Variants in SCHIP1 observed in about 807,000 individuals in gnomAD.
SCHIP1 encodes the protein schwannomin-interacting protein 1.
In SCHIP1, 8 loss-of-function variants were observed where a neutral mutation model predicts 29.7. The observed-to-expected ratio is 0.27, with a 90% CI of 0.16 to 0.49. SCHIP1 has a LOEUF of 0.49. SCHIP1 is among the 20% of genes least tolerant of loss of function. The pLI, the probability that SCHIP1 is intolerant of heterozygous loss-of-function variation, is 0.99. For missense variants in SCHIP1, 193 were observed against 294.6 expected (o/e 0.66, Z 2.52); for synonymous variants, 76 against 94.9 (o/e 0.80, Z 1.16).
intron 5 of SCHIP1, among the ~76,000 whole-genome samples, chr3:159,891,408 G>A (rs1312707637): frequency 3.3e-5 from 5 of 151,328 alleles, no homozygotes; most frequent in Non-Finnish European, 7.4e-5. Flanking sequence ...GAGGGAGGGA[G>A]GAAGGGAGCG....
chr3:159,553,998 G>T, the SCHIP1 span, among the ~76,000 whole-genome samples: 2 of 125,558 alleles, frequency 1.6e-5, no homozygotes, highest in East Asian at 4.9e-4. Context: ...GTGTGTGTGT[G>T]TGTGTGTGTG....
chr3:159,758,692 T>C, the SCHIP1 span, among the ~76,000 whole-genome samples: 1 of 152,242 alleles, frequency 6.6e-6, no homozygotes, highest in Non-Finnish European at 1.5e-5. Context: ...GATTGTACAC[T>C]GCACAACTCC....
the SCHIP1 span, among the ~76,000 whole-genome samples, chr3:159,415,581 G>C: frequency 6.6e-6 from 1 of 152,122 alleles, no homozygotes; most frequent in African/African-American, 2.4e-5. Flanking sequence ...GTTTGCCAAA[G>C]ATAATAGTAT....
chr3:159,641,594 G>A, the SCHIP1 span, among the ~76,000 whole-genome samples: 30 of 152,190 alleles, frequency 2.0e-4, no homozygotes, highest in African/African-American at 7.2e-4. Flanking sequence ...CACTCAAATA[G>A]GGCAGTGTTT....
At chr3:159,279,527 A>T in the SCHIP1 span, among the ~76,000 whole-genome samples, 3 of 152,168 alleles carry the variant, frequency 2.0e-5, no homozygotes, top group East Asian at 5.8e-4. Flanking sequence ...TAGATTTTAG[A>T]GCACTTAGTA....
chr3:159,667,308 G>A, the SCHIP1 span, among the ~76,000 whole-genome samples: 4 of 152,162 alleles, frequency 2.6e-5, no homozygotes, highest in East Asian at 1.9e-4. Flanking sequence ...TTTGAATAAC[G>A]CCCAGTTCCA....
chr3:159,574,989 G>GT, the SCHIP1 span, among the ~76,000 whole-genome samples: 4 of 152,178 alleles, frequency 2.6e-5, no homozygotes, highest in African/African-American at 9.6e-5. Context: ...GGAGTGTCCC[G>GT]TTTTTCCAGG....
chr3:159,706,911 A>G, the SCHIP1 span, among the ~76,000 whole-genome samples: 12 of 152,312 alleles, frequency 7.9e-5, no homozygotes, highest in African/African-American at 2.9e-4. Context: ...ATCAGTTAAC[A>G]AACATTTATT....
At chr3:159,676,149 T>C in the SCHIP1 span, among the ~76,000 whole-genome samples, 28 of 152,142 alleles carry the variant, frequency 1.8e-4, no homozygotes. Flanking sequence ...ATTTTACATA[T>C]GAAATCTATG....
the SCHIP1 span, among the ~76,000 whole-genome samples, chr3:159,430,437 A>G: frequency 6.6e-6 from 1 of 152,122 alleles, no homozygotes; most frequent in Non-Finnish European, 1.5e-5. Context: ...GACAAAAAAG[A>G]ATTCTTCCTG....
the SCHIP1 span, among the ~76,000 whole-genome samples, chr3:159,499,497 G>T: frequency 6.6e-6 from 1 of 152,126 alleles, no homozygotes; most frequent in Non-Finnish European, 1.5e-5. Context: ...AAACATATTT[G>T]GTATTGCCAA....
chr3:159,499,067 C>T, the SCHIP1 span, among the ~76,000 whole-genome samples: 1 of 152,110 alleles, frequency 6.6e-6, no homozygotes, highest in Non-Finnish European at 1.5e-5. Context: ...TGATTTCAAC[C>T]CCACCCCCAT....
At chr3:159,891,393 G>A (rs1454954858) in intron 5 of SCHIP1, among the ~76,000 whole-genome samples, 1 of 151,664 alleles carries the variant, frequency 6.6e-6, no homozygotes, top group Non-Finnish European at 1.5e-5. Context: ...AGGAAGGAAG[G>A]AAGGGAGGGA....
chr3:159,508,984 C>T, the SCHIP1 span, among the ~76,000 whole-genome samples: 1 of 152,144 alleles, frequency 6.6e-6, no homozygotes, highest in Non-Finnish European at 1.5e-5. Flanking sequence ...TCTGTTAGGT[C>T]CACTTGGTGC....
chr3:159,295,279 A>C, the SCHIP1 span, among the ~76,000 whole-genome samples: 862 of 144,158 alleles, frequency 6.0e-3, 11 homozygotes, highest in African/African-American at 0.021. Context: ...AAAAAAAACA[A>C]CTAGCCAGGC....
At chr3:159,429,507 G>A in the SCHIP1 span, among the ~76,000 whole-genome samples, 2 of 152,110 alleles carry the variant, frequency 1.3e-5, no homozygotes, top group Non-Finnish European at 2.9e-5. Context: ...TGCCTTTCTA[G>A]CAGGCACCAA....
chr3:159,319,820 C>A, the SCHIP1 span, among the ~76,000 whole-genome samples: 4 of 152,162 alleles, frequency 2.6e-5, no homozygotes, highest in East Asian at 7.7e-4. Context: ...TGGTTTACTC[C>A]TCATTTGAAT....
At chr3:159,363,672 C>G in the SCHIP1 span, among the ~76,000 whole-genome samples, 2 of 152,294 alleles carry the variant, frequency 1.3e-5, no homozygotes, top group African/African-American at 4.8e-5. Flanking sequence ...TTTTACAATA[C>G]AAGATGATTA....
rs1714106483 is a variant in SCHIP1 at position 159,861,921 on chromosome 3, A to T, written c.31-4242A>T. Among the ~76,000 whole-genome samples the T allele has an allele frequency of 6.6e-6, 1 of 152,148 alleles. No individual in the cohort carries two copies. Among genetic ancestry groups the T allele is most frequent in the African/African-American group, 2.4e-5 (1 of 41,436 alleles). On this transcript the variant is annotated intron_variant, in intron 1 of 6. Coordinates refer to ENST00000445224, the Ensembl canonical transcript of SCHIP1. The surrounding 1 kb of genome is among the most constrained non-coding windows in gnomAD (Gnocchi z 4.1). ...GCTGGATTAAGGGGGCTGGTGGAAG[A>T]CATATTTGCCTTGCAGGTATAATTC...
Sources: gnomAD v4.1 joint callset for allele counts (sites outside exome capture counted in the v4.1 genomes callset) on GRCh38, gnomAD v4.1.1 for gene constraint, Gnocchi (gnomAD v3.1) non-coding constraint, MANE v1.5 for transcripts, NCBI Gene and HGNC (gene_info 2026-07-23, HGNC 2026-07-21) for gene names.